CDKN2B-AS1: variants seen among roughly 807,000 people sequenced by gnomAD.
The protein encoded by CDKN2B-AS1 is CDKN2B and CDKN2A antisense cis and trans regulatory RNA 1, also known as CDKN2B antisense RNA 1 (non-protein coding).
intron 4 of CDKN2B-AS1, chr9:22,092,400 A>G (rs1281919167): frequency 1.3e-5 from 2 of 152,218 alleles, no homozygotes; most frequent in African/African-American, 2.4e-5. Flanking sequence ...AAGGAATGGT[A>G]CCAGCTCCTC....
At chr9:22,032,675 CA>C (rs1822526101) in intron 1 of CDKN2B-AS1, 1 of 151,788 alleles carries the variant, frequency 6.6e-6, no homozygotes, top group Non-Finnish European at 1.5e-5. Flanking sequence ...CTTCCACAGG[CA>C]ATTTATAGCA....
intron 1 of CDKN2B-AS1, chr9:22,030,501 A>T (rs1822423752): frequency 6.6e-6 from 1 of 152,150 alleles, no homozygotes; most frequent in Admixed American, 6.6e-5. Context: ...TATGCCAGAG[A>T]AAAAATGTTA....
At chr9:22,127,688 G>T (rs73443214) in exon 5 of CDKN2B-AS1, among the ~76,000 whole-genome samples, 4,507 of 152,120 alleles carry the variant, frequency 0.03, 226 homozygotes, top group African/African-American at 0.1. Flanking sequence ...GAGACAGGAG[G>T]GTCCCAAATA....
intron 4 of CDKN2B-AS1, among the ~76,000 whole-genome samples, chr9:22,068,965 G>A (rs917638035): frequency 6.6e-6 from 1 of 152,104 alleles, no homozygotes; most frequent in African/African-American, 2.4e-5. Flanking sequence ...TTGGGGACTC[G>A]TCCTTCCTGG....
intron 3 of CDKN2B-AS1, among the ~76,000 whole-genome samples, chr9:22,051,793 A>T (rs1823355912): frequency 6.6e-6 from 1 of 152,146 alleles, no homozygotes; most frequent in South Asian, 2.1e-4. Context: ...TATTATACTC[A>T]CATCGAAACA....
chr9:22,004,269 T>C (rs1821060963), intron 1 of CDKN2B-AS1: 3 of 232,452 alleles, frequency 1.3e-5, no homozygotes, highest in African/African-American at 2.2e-5. Flanking sequence ...TGTATTCAAC[T>C]CAAATGTACT....
chr9:22,016,928 C>G (rs1389536258), intron 1 of CDKN2B-AS1, among the ~76,000 whole-genome samples: 1 of 152,194 alleles, frequency 6.6e-6, no homozygotes, highest in Non-Finnish European at 1.5e-5. Flanking sequence ...TGTTGATGAT[C>G]AAGCTCTATC....
At chr9:22,094,707 C>G (rs1055532130) in intron 4 of CDKN2B-AS1, among the ~76,000 whole-genome samples, 3 of 144,032 alleles carry the variant, frequency 2.1e-5, no homozygotes, top group Non-Finnish European at 4.4e-5. Context: ...TCTAGTTAGC[C>G]ATTTGTCTAA....
chr9:22,015,260 C>T (rs1563922472), intron 1 of CDKN2B-AS1, among the ~76,000 whole-genome samples: 1 of 152,174 alleles, frequency 6.6e-6, no homozygotes, highest in African/African-American at 2.4e-5. Flanking sequence ...TCCACATCCT[C>T]TCCAGCACCT....
intron 4 of CDKN2B-AS1, among the ~76,000 whole-genome samples, chr9:22,096,174 G>A (rs563813929): frequency 6.6e-6 from 1 of 152,214 alleles, no homozygotes; most frequent in Non-Finnish European, 1.5e-5. Context: ...CAATTTTATT[G>A]TTATAGGACA....
chr9:22,104,871 A>G (rs1825606658), intron 4 of CDKN2B-AS1, among the ~76,000 whole-genome samples: 1 of 152,248 alleles, frequency 6.6e-6, no homozygotes, highest in African/African-American at 2.4e-5. Context: ...TATATTGAAT[A>G]CCACTGAATA....
intron 4 of CDKN2B-AS1, among the ~76,000 whole-genome samples, chr9:22,073,043 A>G (rs1279589556): frequency 1.3e-5 from 2 of 152,158 alleles, no homozygotes; most frequent in Non-Finnish European, 2.9e-5. Context: ...CCTTTTTTGC[A>G]CAGTGAAAAT....
At chr9:22,054,708 TA>T (rs1202575795) in intron 3 of CDKN2B-AS1, among the ~76,000 whole-genome samples, 1 of 150,402 alleles carries the variant, frequency 6.6e-6, no homozygotes, top group African/African-American at 2.4e-5. Flanking sequence ...TTTATTTTTT[TA>T]AATTTTTATT....
chr9:22,070,948 G>C (rs1332020297), intron 4 of CDKN2B-AS1, among the ~76,000 whole-genome samples: 1 of 152,066 alleles, frequency 6.6e-6, no homozygotes, highest in African/African-American at 2.4e-5. Flanking sequence ...CAGTTATCTT[G>C]TGATACATGG....
rs1386615147 is a variant in CDKN2B-AS1, at chr9:22,092,983, A to G, written n.439-34120A>G. On this transcript the variant is annotated intron_variant and non_coding_transcript_variant, in intron 4 of 4. Coordinates refer to ENST00000650946, the Ensembl canonical transcript of CDKN2B-AS1. ...TTTAGTGCTATAAATTTCCCTCTAC[A>G]CACTGCTTTGAATGTGTCCCAGAGA... Among the ~76,000 whole-genome samples, 5 of 152,290 alleles carry G rather than the reference A, an allele frequency of 3.3e-5. No individual in the cohort carries two copies. The East Asian group carries it at 9.6e-4, about 29-fold the overall frequency.
intron 3 of CDKN2B-AS1, among the ~76,000 whole-genome samples, chr9:22,052,312 GA>G (rs1474695372): frequency 6.6e-6 from 1 of 152,124 alleles, no homozygotes; most frequent in African/African-American, 2.4e-5. Context: ...TTCAGTGAAT[GA>G]AATGAATGAA....
intron 1 of CDKN2B-AS1, among the ~76,000 whole-genome samples, chr9:22,015,736 G>A (rs867605712): frequency 6.0e-4 from 92 of 152,214 alleles, no homozygotes; most frequent in African/African-American, 2.0e-3. Context: ...GCGCTGCACC[G>A]ACTAACTCAT....
At chr9:22,042,165 G>A (rs1301400767) in intron 1 of CDKN2B-AS1, among the ~76,000 whole-genome samples, 1 of 152,000 alleles carries the variant, frequency 6.6e-6, no homozygotes, top group Non-Finnish European at 1.5e-5. Flanking sequence ...GTGAATTTGG[G>A]CTTCAGAAGT....
chr9:22,069,580 C>T (rs369644224), intron 4 of CDKN2B-AS1, among the ~76,000 whole-genome samples: 27 of 151,960 alleles, frequency 1.8e-4, no homozygotes, highest in African/African-American at 4.1e-4. Flanking sequence ...TTTGATGGTT[C>T]GATACATTTT....
Sources: gnomAD v4.1 joint callset for allele counts (sites outside exome capture counted in the v4.1 genomes callset) on GRCh38, gnomAD v4.1.1 for gene constraint, MANE v1.5 for transcripts, NCBI Gene and HGNC (gene_info 2026-07-23, HGNC 2026-07-21) for gene names.